HMCN1: variants seen among roughly 807,000 people sequenced by gnomAD.
HMCN1 encodes the protein hemicentin 1, also known as hemicentin-1.
Under a neutral mutation model 625.9 loss-of-function variants are expected in HMCN1, and 321 were observed. The ratio of observed to expected loss-of-function variants is 0.51; its 90% CI spans 0.47 to 0.56. The LOEUF (loss-of-function observed/expected upper bound fraction) is 0.56, where lower values mean the gene tolerates loss of function less well. Ranked by LOEUF, HMCN1 falls within the 20% of genes least tolerant of loss-of-function variation. HMCN1 has a pLI of 0.00. For synonymous variants in HMCN1, 2,425 were observed against 2,417.6 expected (o/e 1.00, Z -0.09); for missense variants, 6,588 against 6,887.3 (o/e 0.96, Z 1.54).
At chr1:185,887,538 G>A (rs1484279791) in intron 4 of HMCN1, among the ~76,000 whole-genome samples, 2 of 150,168 alleles carry the variant, frequency 1.3e-5, no homozygotes, top group Admixed American at 6.7e-5. Context: ...ATTCCCACCT[G>A]TGAGTGAGAA....
chr1:185,893,053 G>T (rs895737966), intron 4 of HMCN1, among the ~76,000 whole-genome samples: 1 of 152,184 alleles, frequency 6.6e-6, no homozygotes, highest in Non-Finnish European at 1.5e-5. Context: ...GCAGTATTCG[G>T]GTGCAAGTGA....
chr1:186,041,847 G>A (rs1455129668), intron 40 of HMCN1, among the ~76,000 whole-genome samples: 1 of 151,952 alleles, frequency 6.6e-6, no homozygotes, highest in Non-Finnish European at 1.5e-5. Context: ...ATGACCTCTT[G>A]AAGAGTTTCT....
rs200293107 is a variant in HMCN1, at chr1:186,120,003, T to C, written c.12095-8T>C. 5.0e-6 allele frequency: 8 copies of C among 1,614,044 alleles called. No homozygotes were observed. Among genetic ancestry groups the C allele is most frequent in the East Asian group, 4.5e-5 (2 of 44,882 alleles). ...TTTCCCCACTCTGCTTTTGTAACTA[T>C]GTTGTAGGCAGAAACCATGCAGTTC... On this transcript the variant is annotated splice_region_variant and splice_polypyrimidine_tract_variant and intron_variant, in intron 79 of 106. Coordinates refer to ENST00000271588, the MANE Select transcript of HMCN1 (RefSeq NM_031935.3).
chr1:186,147,813 C>G (rs934724952), intron 93 of HMCN1, among the ~76,000 whole-genome samples: 10 of 152,182 alleles, frequency 6.6e-5, no homozygotes, highest in African/African-American at 2.4e-4. Flanking sequence ...ATTATCTGAG[C>G]CTTCAGAAAG....
intron 36 of HMCN1, among the ~76,000 whole-genome samples, chr1:186,033,248 G>C (rs1039954686): frequency 2.6e-5 from 4 of 152,142 alleles, no homozygotes; most frequent in African/African-American, 9.7e-5. Flanking sequence ...TAAGCCATGA[G>C]GATGCAAAGG....
intron 100 of HMCN1, among the ~76,000 whole-genome samples, chr1:186,170,904 G>C (rs932569456): frequency 6.6e-6 from 1 of 152,154 alleles, no homozygotes; most frequent in African/African-American, 2.4e-5. Context: ...TCAGGCACAG[G>C]GTGATAAAGA....
intron 97 of HMCN1, 138 bp from the exon 98 acceptor site, chr1:186,164,973 C>A: frequency 1.3e-6 from 1 of 765,234 alleles, no homozygotes; most frequent in Non-Finnish European, 2.3e-6. Flanking sequence ...TTTTCCATGC[C>A]TGCTTATTTT....
chr1:185,845,940 A>G lies in HMCN1; in HGVS notation c.269-86A>G, dbSNP rs369134800. On this transcript the variant is annotated intron_variant, in intron 1 of 106. Coordinates refer to ENST00000271588, the MANE Select transcript of HMCN1 (RefSeq NM_031935.3). ...TTATTAATAAGTAACCATGTACTGC[A>G]AGGTGAAAAGACATCTATAAACACA... 5.1e-5 allele frequency: 42 copies of G among 826,302 alleles called. No homozygotes were observed. In the African/African-American group the frequency reaches 6.4e-4, roughly 13 times the overall value. 51.2% of individuals were successfully genotyped at this position (826,302 alleles called of 1,614,324 possible). A position where few individuals can be genotyped will look rare whatever the true frequency, so the allele number is the denominator to read the frequency against.
intron 4 of HMCN1, among the ~76,000 whole-genome samples, chr1:185,876,361 TG>T (rs2102380354): frequency 6.6e-6 from 1 of 152,234 alleles, no homozygotes; most frequent in African/African-American, 2.4e-5. Context: ...AGTAGTGCTA[TG>T]ATAAACATAG....
At chr1:186,005,341 T>C (rs992002126) in intron 29 of HMCN1, among the ~76,000 whole-genome samples, 2 of 147,682 alleles carry the variant, frequency 1.4e-5, no homozygotes, top group Non-Finnish European at 3.0e-5. Flanking sequence ...TTTTTAATTG[T>C]TTATAAATGT....
intron 1 of HMCN1, among the ~76,000 whole-genome samples, chr1:185,786,017 C>T (rs1460668049): frequency 6.6e-6 from 1 of 152,140 alleles, no homozygotes; most frequent in Non-Finnish European, 1.5e-5. Context: ...ACTGGCAAAT[C>T]ATTATTCTTT....
In HMCN1 at chr1:186,070,775, T is replaced by C. The variant is rs751379040; in HGVS notation, c.8139+18T>C. On this transcript the variant is annotated intron_variant, in intron 52 of 106. Coordinates refer to ENST00000271588, the MANE Select transcript of HMCN1 (RefSeq NM_031935.3). ...ATGGACAGGCCAGTCACAACTTTTT[T>C]CATTTGCTGATGATTTCTTAAAGAC... The C allele has an allele frequency of 1.5e-5, 24 of 1,613,060 alleles. No homozygotes were observed. Among genetic ancestry groups the C allele is most frequent in the Non-Finnish European group, 1.7e-5 (20 of 1,179,306 alleles).
At chr1:185,744,743 T>A (rs1654268480) in intron 1 of HMCN1, among the ~76,000 whole-genome samples, 1 of 152,244 alleles carries the variant, frequency 6.6e-6, no homozygotes, top group South Asian at 2.1e-4. Flanking sequence ...TGGCCTGGAC[T>A]GAAACCTGAA....
chr1:185,754,297 C>T (rs901627088), intron 1 of HMCN1, among the ~76,000 whole-genome samples: 1 of 152,014 alleles, frequency 6.6e-6, no homozygotes, highest in Non-Finnish European at 1.5e-5. Flanking sequence ...TGAACGGATA[C>T]AATGCTTCAG....
chr1:186,166,019 A>G (rs1039967603), intron 98 of HMCN1, among the ~76,000 whole-genome samples, 165 bp from the exon 99 acceptor site: 2 of 152,210 alleles, frequency 1.3e-5, no homozygotes, highest in African/African-American at 4.8e-5. Flanking sequence ...AGATGCCTCA[A>G]ATTATTTTTA....
At chr1:186,139,601 T>G (rs1649826174) in intron 89 of HMCN1, among the ~76,000 whole-genome samples, 1 of 150,482 alleles carries the variant, frequency 6.6e-6, no homozygotes, top group African/African-American at 2.5e-5. Flanking sequence ...TGGCTTGTTT[T>G]TTTTTTTTTT....
intron 48 of HMCN1, 49 bp from the exon 49 acceptor site, chr1:186,065,189 A>G (rs751760923): frequency 5.4e-6 from 8 of 1,483,108 alleles, no homozygotes; most frequent in Non-Finnish European, 7.5e-6. Flanking sequence ...AAGTTTATTC[A>G]TTCTATACAT....
At chr1:185,951,914 G>A (rs1649198915) in intron 11 of HMCN1, among the ~76,000 whole-genome samples, 1 of 152,014 alleles carries the variant, frequency 6.6e-6, no homozygotes, top group Admixed American at 6.5e-5. Context: ...CCTTGAAGGT[G>A]AGGTTAATTA....
At chr1:185,916,437 G>C (rs1347324884) in intron 6 of HMCN1, among the ~76,000 whole-genome samples, 1 of 152,124 alleles carries the variant, frequency 6.6e-6, no homozygotes, top group African/African-American at 2.4e-5. Context: ...GGTTAAATGA[G>C]ATATTGGTAA....
Sources: allele counts gnomAD v4.1 joint callset (sites outside exome capture counted in the v4.1 genomes callset), GRCh38; gene constraint gnomAD v4.1.1; transcripts MANE v1.5; gene names NCBI Gene and HGNC (gene_info 2026-07-23, HGNC 2026-07-21).